Variants in PRRX1 observed in about 807,000 individuals in gnomAD.
PRRX1 encodes the protein paired mesoderm homeobox protein 1.
PRRX1 carries 8 observed loss-of-function variants against 24.0 expected under a neutral mutation model. The observed-to-expected ratio is 0.33, with a 90% CI of 0.20 to 0.60. PRRX1 has a LOEUF of 0.60. Ranked by LOEUF, PRRX1 falls within the 20% of genes least tolerant of loss-of-function variation. PRRX1 has a pLI of 0.82. For missense variants in PRRX1, 281 were observed against 322.4 expected, an observed-to-expected ratio of 0.87 and a Z score of 0.98; for synonymous variants, 160 against 131.7, an observed-to-expected ratio of 1.22 and a Z score of -1.47.
At chr1:170,715,787 A>G (rs1654887371) in intron 1 of PRRX1, among the ~76,000 whole-genome samples, 1 of 152,270 alleles carries the variant, frequency 6.6e-6, no homozygotes, top group Non-Finnish European at 1.5e-5. Flanking sequence ...TCTGGTAGAA[A>G]GGACAACATG....
intron 3 of PRRX1, among the ~76,000 whole-genome samples, chr1:170,735,568 A>G (rs1459517911): frequency 2.0e-5 from 3 of 152,192 alleles, no homozygotes; most frequent in African/African-American, 7.2e-5. Flanking sequence ...TTTATTATCT[A>G]AAATGTGTTA....
At chr1:170,713,457 C>T (rs780570572) in intron 1 of PRRX1, among the ~76,000 whole-genome samples, 13 of 151,926 alleles carry the variant, frequency 8.6e-5, no homozygotes, top group Admixed American at 3.3e-4. Context: ...ACATTTTTGG[C>T]GCTATAGAAA....
At chr1:170,732,256 C>T (rs1655459559) in intron 3 of PRRX1, among the ~76,000 whole-genome samples, 1 of 152,130 alleles carries the variant, frequency 6.6e-6, no homozygotes, top group African/African-American at 2.4e-5. Context: ...TTTAAGAAAA[C>T]ATTTCAGGGT....
rs1370281828 is a variant in PRRX1 at position 170,736,462 on chromosome 1, TC to T, written c.*278del. The T allele has an allele frequency of 2.0e-4, 94 of 464,692 alleles. No homozygotes were observed. The highest frequency in any genetic ancestry group is 1.8e-3 in the African/African-American group (91 of 51,198). The allele number at this position is 464,692 out of a possible 1,614,324, so 28.8% of individuals were successfully genotyped here. ...TTCATTCATGCTTTGCTTAATGTAC[TC>T]CAGGCTTCTTCAGCTAGGTTCAGCC... On this transcript the variant is annotated 3_prime_UTR_variant, in exon 4 of 4. Coordinates refer to ENST00000239461, the MANE Select transcript of PRRX1 (RefSeq NM_022716.4).
chr1:170,686,210 C>T (rs1377382067), intron 1 of PRRX1, among the ~76,000 whole-genome samples: 2 of 145,084 alleles, frequency 1.4e-5, no homozygotes, highest in African/African-American at 2.6e-5. Flanking sequence ...TTGCTATTTA[C>T]GTTTCAGATA....
intron 1 of PRRX1, among the ~76,000 whole-genome samples, chr1:170,716,163 A>G (rs1313047702): frequency 6.6e-6 from 1 of 152,224 alleles, no homozygotes; most frequent in Admixed American, 6.5e-5. Flanking sequence ...ACACCTATTT[A>G]TAAGGCTGTT....
At chr1:170,689,823 TCTCTCTCTCTCTCTCC>T (rs781565333) in intron 1 of PRRX1, among the ~76,000 whole-genome samples, 9,963 of 99,870 alleles carry the variant, frequency 0.1, 482 homozygotes, top group Middle Eastern at 0.23. Flanking sequence ...CGTCTCTCTC[TCTCTCTCTCTCTCTCC>T]CTCTCTCTCT....
At chr1:170,682,847 G>A (rs1425345755) in intron 1 of PRRX1, among the ~76,000 whole-genome samples, 2 of 152,214 alleles carry the variant, frequency 1.3e-5, no homozygotes, top group African/African-American at 4.8e-5. Flanking sequence ...ATTTGAGCAG[G>A]AATATGAAAG....
At position 170,736,420 on chromosome 1, in the gene PRRX1, G is replaced by A. The variant is rs1655605756; in HGVS notation, c.*234G>A. On this transcript the variant is annotated 3_prime_UTR_variant, in exon 4 of 4. Coordinates refer to ENST00000239461, the MANE Select transcript of PRRX1 (RefSeq NM_022716.4). Reference sequence around the variant, plus strand: ...ACCACCACCACTTGTTTCTGTGTGTGTTTATTTTGTTTTTCTTTCATTCAT... The same window carrying A: ...ACCACCACCACTTGTTTCTGTGTGTATTTATTTTGTTTTTCTTTCATTCAT... 1.7e-6 allele frequency: 1 copy of A among 573,042 alleles called. No individual in the cohort carries two copies. The highest frequency in any genetic ancestry group is 3.1e-6 in the Non-Finnish European group (1 of 327,860). The allele number at this position is 573,042 out of a possible 1,614,324, so 35.5% of individuals were successfully genotyped here. A position where few individuals can be genotyped will look rare whatever the true frequency, so the allele number is the denominator to read the frequency against.
intron 2 of PRRX1, among the ~76,000 whole-genome samples, chr1:170,724,315 T>G (rs767915400): frequency 9.2e-5 from 14 of 152,252 alleles, no homozygotes; most frequent in Non-Finnish European, 1.9e-4. Context: ...ATTTTTGCTT[T>G]TGTTGAAATT....
intron 2 of PRRX1, among the ~76,000 whole-genome samples, chr1:170,721,127 C>T (rs2101918581): frequency 6.6e-6 from 1 of 152,236 alleles, no homozygotes; most frequent in South Asian, 2.1e-4. Flanking sequence ...TTACCACTCC[C>T]CACCCCGCCT....
Position 170,736,150 on chromosome 1 carries a change from T to C in PRRX1, c.702T>C (p.Tyr234=), listed in dbSNP as rs753062905. The C allele has an allele frequency of 3.7e-6, 6 of 1,614,134 alleles. No homozygotes were observed. In the South Asian group the frequency reaches 6.6e-5, roughly 18 times the overall value. ...ACCTGAGACTGAAGGCCAAGGAATA[T>C]AGTTTACAGAGGAACCAGGTGCCAA... ...IANLRLKAKE[Y]SLQRNQVPTV... The change falls in exon 4 of 4, where the codon TAT becomes TAC. Residue 234 remains tyrosine (Y), a synonymous_variant. Transcript: ENST00000239461.
chr1:170,699,298 T>C (rs2101903344), intron 1 of PRRX1, among the ~76,000 whole-genome samples: 1 of 152,306 alleles, frequency 6.6e-6, no homozygotes, highest in South Asian at 2.1e-4. Flanking sequence ...TGAACATTAA[T>C]AAGGATTTTT....
intron 1 of PRRX1, among the ~76,000 whole-genome samples, chr1:170,692,163 T>C (rs1370156157): frequency 1.3e-5 from 2 of 152,066 alleles, no homozygotes; most frequent in Non-Finnish European, 2.9e-5. Flanking sequence ...AGACCAAAAT[T>C]GAAGTTGGAT....
chr1:170,663,922 T>G, upstream of PRRX1: 2 of 409,800 alleles, frequency 4.9e-6, no homozygotes, highest in South Asian at 4.8e-5. Flanking sequence ...ATATTGTATT[T>G]TACTGTGGAT....
In PRRX1 at chr1:170,736,550, A is replaced by C. The variant is rs1410920167; in HGVS notation, c.*364A>C. On this transcript the variant is annotated 3_prime_UTR_variant, in exon 4 of 4. Coordinates refer to ENST00000239461, the MANE Select transcript of PRRX1 (RefSeq NM_022716.4). ...ACTACAGCAGCCAAAGAAACTATAT[A>C]TATATATATATATATATATATCCAG... 2 of 22,770 alleles carry C rather than the reference A, an allele frequency of 8.8e-5. No individual in the cohort carries two copies. The highest frequency in any genetic ancestry group is 2.1e-4 in the Non-Finnish European group (2 of 9,450). The allele number at this position is 22,770 out of a possible 1,614,324, so 1.4% of individuals were successfully genotyped here. A position where few individuals can be genotyped will look rare whatever the true frequency, so the allele number is the denominator to read the frequency against.
intron 1 of PRRX1, among the ~76,000 whole-genome samples, chr1:170,693,073 CCTT>C (rs1344044471): frequency 1.3e-5 from 2 of 152,074 alleles, no homozygotes; most frequent in Non-Finnish European, 1.5e-5. Context: ...TTTCCCCAGT[CCTT>C]CTGTGACCCA....
At chr1:170,731,243 G>A (rs1281441338) in intron 3 of PRRX1, among the ~76,000 whole-genome samples, 1 of 152,110 alleles carries the variant, frequency 6.6e-6, no homozygotes, top group Non-Finnish European at 1.5e-5. Context: ...ACTGACAAAA[G>A]AACAAACCCG....
intron 1 of PRRX1, among the ~76,000 whole-genome samples, chr1:170,679,459 G>T (rs1366545810): frequency 3.3e-5 from 5 of 152,070 alleles, no homozygotes; most frequent in Admixed American, 1.3e-4. Flanking sequence ...GAGTGCAGTG[G>T]CACAATTTCG....
Sources: allele counts gnomAD v4.1 joint callset (sites outside exome capture counted in the v4.1 genomes callset), GRCh38; gene constraint gnomAD v4.1.1; transcripts MANE v1.5; gene names NCBI Gene and HGNC (gene_info 2026-07-23, HGNC 2026-07-21).